Variants in ATXN10 observed in about 807,000 individuals in gnomAD.
ATXN10 encodes ataxin 10, also known as ataxin-10.
In ATXN10, 28 loss-of-function variants were observed where a neutral mutation model predicts 52.9. That is an observed-to-expected ratio of 0.53 (90% CI 0.39 to 0.73). The LOEUF (loss-of-function observed/expected upper bound fraction) is 0.73, where lower values mean the gene tolerates loss of function less well. Among genes scored for constraint, ATXN10 ranks in the 30% least tolerant of loss-of-function variants. The pLI is 0.00. For missense variants in ATXN10, 565 were observed against 577.0 expected (o/e 0.98, Z 0.21); for synonymous variants, 226 against 221.5 (o/e 1.02, Z -0.18).
chr22:45,740,883 T>G, intron 9 of ATXN10: 1 of 158,804 alleles, frequency 6.3e-6, no homozygotes, highest in Non-Finnish European at 1.4e-5. Flanking sequence ...CTTAGATCTA[T>G]ATCCTATGTT....
intron 9 of ATXN10, among the ~76,000 whole-genome samples, chr22:45,764,201 C>G (rs1450116706): frequency 6.6e-6 from 1 of 151,996 alleles, no homozygotes; most frequent in African/African-American, 2.4e-5. Context: ...AGGGGAGTTC[C>G]CTCTCTGCAG....
chr22:45,702,232 C>T (rs569997555), intron 4 of ATXN10, among the ~76,000 whole-genome samples: 5 of 152,300 alleles, frequency 3.3e-5, no homozygotes, highest in African/African-American at 1.2e-4. Context: ...GCTAGAGGAG[C>T]TAGGAGTTAT....
rs149434103 is a variant in ATXN10 at position 45,720,799 on chromosome 22, A to G, written c.728+2306A>G. On this transcript the variant is annotated intron_variant, in intron 6 of 11. Coordinates refer to ENST00000252934, the MANE Select transcript of ATXN10 (RefSeq NM_013236.4). ...TTAATCTGTTTTCTGCTGCCATAAC[A>G]GAGTCCTGGAGAGTGGGTAATTTAT... Among the ~76,000 whole-genome samples, 128 of 152,328 alleles carry G rather than the reference A, an allele frequency of 8.4e-4. 1 individual carries two copies. Among genetic ancestry groups the G allele is most frequent in the African/African-American group, 2.9e-3 (119 of 41,574 alleles).
Position 45,780,331 on chromosome 22 carries a change from G to A in ATXN10, c.1174-26628G>A, listed in dbSNP as rs565500515. 7.2e-5 allele frequency among the ~76,000 whole-genome samples: 11 copies of A among 152,308 alleles called. No homozygotes were observed. In the East Asian group the frequency reaches 9.6e-4, roughly 13 times the overall value. ...ACTCCTGACCTCAAATGATCCACCC[G>A]CTTCAGCCTCCCAAATTGCTGGGAT... On this transcript the variant is annotated intron_variant, in intron 9 of 11. Coordinates refer to ENST00000252934, the MANE Select transcript of ATXN10 (RefSeq NM_013236.4). The surrounding 1 kb of genome is among the most constrained non-coding windows in gnomAD (Gnocchi z 4.0).
At chr22:45,739,119 T>C (rs1715359936) in intron 8 of ATXN10, among the ~76,000 whole-genome samples, 2 of 152,210 alleles carry the variant, frequency 1.3e-5, no homozygotes, top group African/African-American at 4.8e-5. Flanking sequence ...GTTTCATCAA[T>C]ATAGGATGTG....
intron 10 of ATXN10, among the ~76,000 whole-genome samples, chr22:45,814,242 G>C (rs79624870): frequency 0.011 from 1,646 of 152,326 alleles, 15 homozygotes; most frequent in Non-Finnish European, 0.017. Flanking sequence ...ACATATATCT[G>C]ACAGAGGATA....
Position 45,845,079 on chromosome 22 carries a change from C to A in ATXN10, c.*1408C>A, listed in dbSNP as rs1157564742. ...AGAATTTAAAATTACACAAAGGAGT[C>A]ATTCTCTCCTGGGACATAAAGAGTT... On this transcript the variant is annotated 3_prime_UTR_variant, in exon 12 of 12. Transcript: ENST00000252934. The surrounding 1 kb of genome is among the most constrained non-coding windows in gnomAD (Gnocchi z 4.7). The A allele has an allele frequency of 6.6e-6, 1 of 152,200 alleles. No individual in the cohort carries two copies. 9.4% of individuals were successfully genotyped at this position (152,200 alleles called of 1,614,324 possible).
At chr22:45,714,368 G>T (rs1433854495) in intron 5 of ATXN10, among the ~76,000 whole-genome samples, 1 of 151,874 alleles carries the variant, frequency 6.6e-6, no homozygotes, top group Admixed American at 6.6e-5. Context: ...TTTGTATTTT[G>T]ACTTTGTTCG....
At chr22:45,731,665 G>A (rs1488874248) in intron 7 of ATXN10, among the ~76,000 whole-genome samples, 1 of 152,154 alleles carries the variant, frequency 6.6e-6, no homozygotes, top group African/African-American at 2.4e-5. Context: ...AATGTGATCC[G>A]ATACTGTGAA....
rs1377196433 is a variant in ATXN10, at chr22:45,844,889, G to A, written c.*1218G>A. The A allele has an allele frequency of 6.6e-6, 1 of 152,186 alleles. No individual in the cohort carries two copies. The highest frequency in any genetic ancestry group is 6.5e-5 in the Admixed American group (1 of 15,282). 9.4% of individuals were successfully genotyped at this position (152,186 alleles called of 1,614,324 possible). On this transcript the variant is annotated 3_prime_UTR_variant, in exon 12 of 12. Transcript: ENST00000252934. ...TGTGTAGACATAGTTTAACTGATTT[G>A]TAAAAATAGCTTAAGCATGTTGAGA...
rs183576164 is a variant in ATXN10 at position 45,758,927 on chromosome 22, A to G, written c.1173+18389A>G. On this transcript the variant is annotated intron_variant, in intron 9 of 11. Transcript: ENST00000252934. ...CATGGCTTTTATGGAGTCATAAATCATGACAGTAGGAGTCATACCTCTCCA... is the reference window on the plus strand; with the variant it reads ...CATGGCTTTTATGGAGTCATAAATCGTGACAGTAGGAGTCATACCTCTCCA... Among the ~76,000 whole-genome samples the G allele has an allele frequency of 2.6e-5, 4 of 152,352 alleles. No individual in the cohort carries two copies. The South Asian group carries it at 8.3e-4, about 32-fold the overall frequency.
rs41279801 is a variant in ATXN10, at chr22:45,740,418, C to T, written c.1053C>T (p.Phe351=). 4,833 of 1,613,898 alleles carry T rather than the reference C, an allele frequency of 3.0e-3. 19 individuals carry two copies. Among genetic ancestry groups the T allele is most frequent in the South Asian group, 3.8e-3 (346 of 91,080 alleles). ...HVAGKETTNI[F]SNCGCVRAEG... The stretch of plus-strand genomic sequence containing the variant: ...CTGGAAAAGAAACCACAAACATCTT[C>T]AGTAATTGTGGTTGCGTGAGAGCAG... Residue 351 remains phenylalanine, a synonymous_variant, in exon 9 of 12, where the codon TTC becomes TTT. Transcript: ENST00000252934.
rs1180297710 is a variant in ATXN10 at position 45,781,301 on chromosome 22, C to A, written c.1174-25658C>A. 6.6e-6 allele frequency among the ~76,000 whole-genome samples: 1 copy of A among 152,066 alleles called. No homozygotes were observed. The highest frequency in any genetic ancestry group is 1.9e-4 in the East Asian group (1 of 5,188). Reference sequence around the variant, plus strand: ...CCCACTGGGCAGTAATGAGGCATCCCCCAACCCCTGCCCAGCTGTACTGTC... The same window carrying A: ...CCCACTGGGCAGTAATGAGGCATCCACCAACCCCTGCCCAGCTGTACTGTC... On this transcript the variant is annotated intron_variant, in intron 9 of 11. Transcript: ENST00000252934. The surrounding 1 kb of genome is among the most constrained non-coding windows in gnomAD (Gnocchi z 4.2).
In ATXN10 at chr22:45,763,590, C is replaced by T. The variant is rs1486669350; in HGVS notation, c.1173+23052C>T. On this transcript the variant is annotated intron_variant, in intron 9 of 11. Coordinates refer to ENST00000252934, the MANE Select transcript of ATXN10 (RefSeq NM_013236.4). The surrounding 1 kb of genome is among the most constrained non-coding windows in gnomAD (Gnocchi z 6.9). Reference sequence around the variant, plus strand: ...AAAAGTCGGACCCCACCACGCCCCCCACCTCTCTGTCCCTGCTCTTTGGGC... The same window carrying T: ...AAAAGTCGGACCCCACCACGCCCCCTACCTCTCTGTCCCTGCTCTTTGGGC... 6.6e-6 allele frequency among the ~76,000 whole-genome samples: 1 copy of T among 152,184 alleles called. No individual in the cohort carries two copies. The highest frequency in any genetic ancestry group is 1.5e-5 in the Non-Finnish European group (1 of 68,032).
chr22:45,721,964 C>T (rs1924671316), intron 6 of ATXN10, among the ~76,000 whole-genome samples: 1 of 152,040 alleles, frequency 6.6e-6, no homozygotes, highest in Non-Finnish European at 1.5e-5. Flanking sequence ...AATTTTAAGG[C>T]AGACTATGTA....
intron 9 of ATXN10, among the ~76,000 whole-genome samples, chr22:45,791,443 A>AC (rs1488999186): frequency 3.9e-5 from 6 of 152,124 alleles, no homozygotes; most frequent in Non-Finnish European, 8.8e-5. Context: ...GGTTTCTGAC[A>AC]CATAGCCTTT....
rs1194910794 is a variant in ATXN10 at position 45,835,978 on chromosome 22, A to G, written c.1238-7013A>G. Among the ~76,000 whole-genome samples the G allele has an allele frequency of 6.6e-6, 1 of 152,230 alleles. No individual in the cohort carries two copies. The highest frequency in any genetic ancestry group is 2.4e-5 in the African/African-American group (1 of 41,466). ...CTACGAAACATAGAACAGTACATACAGCATTGCATGGAAACCTTTGAAGCA... is the reference window on the plus strand; with the variant it reads ...CTACGAAACATAGAACAGTACATACGGCATTGCATGGAAACCTTTGAAGCA... On this transcript the variant is annotated intron_variant, in intron 10 of 11. Coordinates refer to ENST00000252934, the MANE Select transcript of ATXN10 (RefSeq NM_013236.4). This position sits in a 1 kb window ranked among gnomAD's most constrained non-coding sequence, Gnocchi z 5.0.
In ATXN10 at chr22:45,750,939, G is replaced by GTTT. The variant is rs5845726; in HGVS notation, c.1173+10408_1173+10410dup. On this transcript the variant is annotated intron_variant, in intron 9 of 11. Coordinates refer to ENST00000252934, the MANE Select transcript of ATXN10 (RefSeq NM_013236.4). This position sits in a 1 kb window ranked among gnomAD's most constrained non-coding sequence, Gnocchi z 4.2. ...AATTCTTTCTTTCTTCTACTTTCCT[G>GTTT]TTTTTTTTTGAGACAGAGTCTTGCT... Among the ~76,000 whole-genome samples the GTTT allele has an allele frequency of 6.6e-6, 1 of 150,764 alleles. No homozygotes were observed. Among genetic ancestry groups the GTTT allele is most frequent in the Non-Finnish European group, 1.5e-5 (1 of 67,728 alleles).
chr22:45,749,718 T>C (rs1925873571), intron 9 of ATXN10, among the ~76,000 whole-genome samples: 1 of 152,054 alleles, frequency 6.6e-6, no homozygotes, highest in Non-Finnish European at 1.5e-5. Flanking sequence ...TGTGCCACCA[T>C]GCCCGACTAC....
Sources: gnomAD v4.1 joint callset for allele counts (sites outside exome capture counted in the v4.1 genomes callset) on GRCh38, gnomAD v4.1.1 for gene constraint, Gnocchi (gnomAD v3.1) non-coding constraint, MANE v1.5 for transcripts, NCBI Gene and HGNC (gene_info 2026-07-23, HGNC 2026-07-21) for gene names.